B3GAT2: variants seen among roughly 807,000 people sequenced by gnomAD.
B3GAT2 encodes galactosylgalactosylxylosylprotein 3-beta-glucuronosyltransferase 2.
A neutral mutation model predicts 27.8 loss-of-function variants in B3GAT2; 26 were observed. That is an observed-to-expected ratio of 0.93 (90% CI 0.68 to 1.30). B3GAT2 has a LOEUF of 1.30. Ranked by LOEUF, B3GAT2 falls within the 50% of genes most tolerant of loss-of-function variation. The pLI, the probability that B3GAT2 is intolerant of heterozygous loss-of-function variation, is 0.00. For synonymous variants in B3GAT2, 218 were observed against 195.1 expected, an observed-to-expected ratio of 1.12 and a Z score of -0.98; for missense variants, 458 against 459.0, an observed-to-expected ratio of 1.00 and a Z score of 0.02.
chr6:70,868,172 A>C (rs1716007), intron 2 of B3GAT2, among the ~76,000 whole-genome samples: 48 of 152,050 alleles, frequency 3.2e-4, no homozygotes, highest in Non-Finnish European at 1.5e-4. Context: ...CTTAATAAGG[A>C]CATCTACAAA....
In B3GAT2 at chr6:70,859,225, A is replaced by C; in HGVS notation, c.*2438T>G. The C allele has an allele frequency of 1.4e-6, 1 of 696,274 alleles. No individual in the cohort carries two copies. Among genetic ancestry groups the C allele is most frequent in the Non-Finnish European group, 2.3e-6 (1 of 427,494 alleles). The allele number at this position is 696,274 out of a possible 1,614,324, so 43.1% of individuals were successfully genotyped here. On this transcript the variant is annotated 3_prime_UTR_variant, in exon 4 of 4. Transcript: ENST00000230053. ...ACCCGCTGGGAATCTAAAAAATTGTATGTGCTAAGTGTCAGTCACATGGTC... is the reference window on the plus strand; with the variant it reads ...ACCCGCTGGGAATCTAAAAAATTGTCTGTGCTAAGTGTCAGTCACATGGTC...
intron 1 of B3GAT2, among the ~76,000 whole-genome samples, chr6:70,898,989 A>C (rs1010709698): frequency 6.6e-6 from 1 of 151,858 alleles, no homozygotes; most frequent in Non-Finnish European, 1.5e-5. Flanking sequence ...TAAATAAATA[A>C]ATAAATAGGA....
chr6:70,893,588 A>C (rs1227423586), intron 2 of B3GAT2, among the ~76,000 whole-genome samples: 1 of 152,162 alleles, frequency 6.6e-6, no homozygotes, highest in Non-Finnish European at 1.5e-5. Flanking sequence ...AAAAACTTTA[A>C]GACAGTTATA....
chr6:70,943,818 G>A (rs1765432116), intron 1 of B3GAT2, among the ~76,000 whole-genome samples: 1 of 151,946 alleles, frequency 6.6e-6, no homozygotes, highest in Non-Finnish European at 1.5e-5. Flanking sequence ...TAGGAATTGG[G>A]GAAATGTTTG....
intron 1 of B3GAT2, among the ~76,000 whole-genome samples, chr6:70,900,034 A>ATATTATGATAAAT (rs1772470509): frequency 6.6e-6 from 1 of 152,256 alleles, no homozygotes; most frequent in African/African-American, 2.4e-5. Context: ...AAGGGGCAGC[A>ATATTATGATAAAT]ATTCATGTAT....
intron 1 of B3GAT2, among the ~76,000 whole-genome samples, chr6:70,945,243 GAGA>G (rs1765460541): frequency 6.6e-6 from 1 of 152,192 alleles, no homozygotes; most frequent in African/African-American, 2.4e-5. Context: ...GACGAGTTGA[GAGA>G]AGAAGGCTTC....
chr6:70,943,225 T>C (rs1026751854), intron 1 of B3GAT2, among the ~76,000 whole-genome samples: 1 of 152,132 alleles, frequency 6.6e-6, no homozygotes, highest in African/African-American at 2.4e-5. Context: ...CCAAGGAAAT[T>C]CCTAATCTCA....
intron 1 of B3GAT2, among the ~76,000 whole-genome samples, chr6:70,913,855 A>C (rs999899275): frequency 1.3e-5 from 2 of 152,170 alleles, no homozygotes; most frequent in African/African-American, 4.8e-5. Flanking sequence ...GTCTCTAAGA[A>C]TTTGTTCTAT....
At chr6:70,906,245 G>A (rs1019546023) in intron 1 of B3GAT2, among the ~76,000 whole-genome samples, 9 of 152,126 alleles carry the variant, frequency 5.9e-5, no homozygotes, top group African/African-American at 2.2e-4. Context: ...TATTAACCAT[G>A]CAGTTTCAAA....
At chr6:70,944,693 CT>C (rs1318179910) in intron 1 of B3GAT2, among the ~76,000 whole-genome samples, 11 of 152,186 alleles carry the variant, frequency 7.2e-5, no homozygotes, top group African/African-American at 2.4e-4. Context: ...TTAAATGTCC[CT>C]GTCTGACAGC....
intron 2 of B3GAT2, among the ~76,000 whole-genome samples, chr6:70,874,492 G>A (rs915630620): frequency 5.9e-5 from 9 of 152,172 alleles, no homozygotes; most frequent in African/African-American, 2.2e-4. Context: ...CTAAGAGGGG[G>A]AAGACTGAGG....
At chr6:70,908,927 T>C (rs1240605974) in intron 1 of B3GAT2, among the ~76,000 whole-genome samples, 2 of 152,152 alleles carry the variant, frequency 1.3e-5, no homozygotes, top group African/African-American at 2.4e-5. Flanking sequence ...AATTAAACAC[T>C]CTCAGAAAAT....
chr6:70,917,882 G>C (rs975456274), intron 1 of B3GAT2, among the ~76,000 whole-genome samples: 3 of 152,166 alleles, frequency 2.0e-5, no homozygotes, highest in Non-Finnish European at 4.4e-5. Flanking sequence ...TGTTGATTTG[G>C]GAAGAAGAGT....
rs9455276 is a variant in B3GAT2 at position 70,956,906 on chromosome 6, C to T, written c.-477G>A. 0.063 allele frequency: 63,958 copies of T among 1,018,794 alleles called. 2,093 individuals are homozygous for T. The highest frequency in any genetic ancestry group is 0.12 in the Admixed American group (2,229 of 18,286). The allele number at this position is 1,018,794 out of a possible 1,614,324, so 63.1% of individuals were successfully genotyped here. ...GGACGCCTTCGAGGGCGGGCGGCGG[C>T]GCTGGGGGCTTTCCTTCCTCACATT... On this transcript the variant is annotated 5_prime_UTR_variant, in exon 1 of 4. Coordinates refer to ENST00000230053, the MANE Select transcript of B3GAT2 (RefSeq NM_080742.3).
intron 1 of B3GAT2, among the ~76,000 whole-genome samples, chr6:70,908,016 C>T (rs753464080): frequency 1.1e-4 from 16 of 152,196 alleles, no homozygotes; most frequent in Non-Finnish European, 2.4e-4. Context: ...GAAGTTTCAA[C>T]AATATACAAG....
intron 1 of B3GAT2, among the ~76,000 whole-genome samples, chr6:70,947,697 T>C (rs1198611599): frequency 4.6e-5 from 7 of 150,974 alleles, no homozygotes; most frequent in Admixed American, 1.3e-4. Context: ...TTCCAATCAA[T>C]AGAAAAAGAG....
chr6:70,904,856 G>A (rs1772571632), intron 1 of B3GAT2, among the ~76,000 whole-genome samples: 1 of 152,086 alleles, frequency 6.6e-6, no homozygotes, highest in Non-Finnish European at 1.5e-5. Context: ...AATTACAGGA[G>A]GAAAATGTGC....
At chr6:70,948,159 G>T (rs1239840176) in intron 1 of B3GAT2, among the ~76,000 whole-genome samples, 3 of 148,300 alleles carry the variant, frequency 2.0e-5, no homozygotes, top group Admixed American at 1.4e-4. Flanking sequence ...CATTCCCTTT[G>T]AAAACGGGCA....
intron 2 of B3GAT2, among the ~76,000 whole-genome samples, chr6:70,880,870 T>C (rs543174913): frequency 2.3e-4 from 35 of 152,268 alleles, no homozygotes; most frequent in African/African-American, 7.9e-4. Flanking sequence ...TTTACCATGT[T>C]GGCCAGGCTG....
Sources: gnomAD v4.1 joint callset for allele counts (sites outside exome capture counted in the v4.1 genomes callset) on GRCh38, gnomAD v4.1.1 for gene constraint, MANE v1.5 for transcripts, NCBI Gene and HGNC (gene_info 2026-07-23, HGNC 2026-07-21) for gene names.